The following FANCA variants were observed in gnomAD, a reference collection of about 807,000 sequenced individuals.
The protein encoded by FANCA is FA complementation group A, also known as Fanconi anemia group A protein.
FANCA carries 236 observed loss-of-function variants against 194.3 expected under a neutral mutation model. The ratio of observed to expected loss-of-function variants is 1.21; its 90% CI spans 1.09 to 1.35. FANCA has a LOEUF of 1.35. FANCA is among the 40% of genes most tolerant of loss of function. FANCA has a pLI of 0.00. For missense variants in FANCA, 2,628 were observed against 1,813.9 expected, an observed-to-expected ratio of 1.45 and a Z score of -8.15; for synonymous variants, 1,014 against 715.8, an observed-to-expected ratio of 1.42 and a Z score of -6.65.
At chr16:89,739,442 C>T in intron 40 of FANCA, 36 bp downstream of exon 40, 2 of 1,552,562 alleles carry the variant, frequency 1.3e-6, no homozygotes, top group South Asian at 2.4e-5. Context: ...CTGGGAAACA[C>T]TGCCCAGCCC....
At chr16:89,763,153 A>G (rs1362760788) in intron 28 of FANCA, among the ~76,000 whole-genome samples, 1 of 151,942 alleles carries the variant, frequency 6.6e-6, no homozygotes, top group African/African-American at 2.4e-5. Flanking sequence ...AGGCCGAGTC[A>G]GGAGAATCCC....
intron 22 of FANCA, among the ~76,000 whole-genome samples, 191 bp from the exon 23 acceptor site, chr16:89,772,005 G>C (rs1413248881): frequency 6.6e-6 from 1 of 152,186 alleles, no homozygotes; most frequent in Non-Finnish European, 1.5e-5. Context: ...TGCAGCATGT[G>C]TCATGGCAAA....
Position 89,738,079 on chromosome 16 carries a change from G to A in FANCA, c.*522C>T. On this transcript the variant is annotated 3_prime_UTR_variant, in exon 43 of 43. Coordinates refer to ENST00000389301, the MANE Select transcript of FANCA (RefSeq NM_000135.4). ...GCTGGACTTTGCCTGTGACCAGTGT[G>A]GCCGGCGGTTTGAGAAGGCCCACAA... 1 of 1,613,964 alleles carries A rather than the reference G, an allele frequency of 6.2e-7. No homozygotes were observed. The highest frequency in any genetic ancestry group is 1.1e-5 in the South Asian group (1 of 91,086).
chr16:89,783,026 G>C lies in FANCA; in HGVS notation c.1547C>G (p.Thr516Arg). 3 of 1,614,100 alleles carry C rather than the reference G, an allele frequency of 1.9e-6. No homozygotes were observed. Among genetic ancestry groups the C allele is most frequent in the Non-Finnish European group, 1.7e-6 (2 of 1,179,940 alleles). ...LLTDYISLAK[T>R]RLADLKVSIE... ...GCTTGCCTTGAGGTCGGCCAGCCGT[G>C]TCTTGGCCAATGAGATGTAGTCTGT... The change falls in exon 16 of 43, where the codon ACA becomes AGA. Residue 516 changes from threonine (T) to arginine (R), a missense_variant. Coordinates refer to ENST00000389301, the MANE Select transcript of FANCA (RefSeq NM_000135.4).
At position 89,816,228 on chromosome 16, in the gene FANCA, G is replaced by C. The variant is rs544689632; in HGVS notation, c.80-242C>G. 2 of 510,968 alleles carry C rather than the reference G, an allele frequency of 3.9e-6. 1 individual carries two copies. The allele number at this position is 510,968 out of a possible 1,614,324, so 31.7% of individuals were successfully genotyped here. A position where few individuals can be genotyped will look rare whatever the true frequency, so the allele number is the denominator to read the frequency against. ...GCCCGGGGACGGCTGGCGAGGGGCG[G>C]CCTCTGCGCTGAGGGGAGCCCCAGG... On this transcript the variant is annotated intron_variant, in intron 1 of 42. Transcript: ENST00000389301.
intron 17 of FANCA, among the ~76,000 whole-genome samples, chr16:89,780,269 G>C (rs75570604): frequency 0.046 from 6,947 of 152,242 alleles, 210 homozygotes; most frequent in Non-Finnish European, 0.073. Context: ...CTCCAGGAAA[G>C]AGTTGAAAGT....
chr16:89,806,990 A>C (rs2040679296), intron 6 of FANCA, among the ~76,000 whole-genome samples: 3 of 151,782 alleles, frequency 2.0e-5, no homozygotes, highest in Admixed American at 2.0e-4. Flanking sequence ...TGACTCCCCC[A>C]CCTCCCTCCC....
chr16:89,746,069 A>T (rs2038378279), intron 35 of FANCA, among the ~76,000 whole-genome samples: 1 of 152,152 alleles, frequency 6.6e-6, no homozygotes, highest in Admixed American at 6.5e-5. Context: ...GCCGCCAGGG[A>T]AGTGAGGGAA....
chr16:89,789,444 T>G, intron 14 of FANCA, among the ~76,000 whole-genome samples: 1 of 147,626 alleles, frequency 6.8e-6, no homozygotes, highest in Non-Finnish European at 1.5e-5. Context: ...TACTTTTTTT[T>G]TTTTTTTTTT....
chr16:89,739,010 A>G (rs747111023), intron 41 of FANCA, 36 bp from the exon 42 acceptor site: 1 of 1,614,022 alleles, frequency 6.2e-7, no homozygotes, highest in South Asian at 1.1e-5. Flanking sequence ...AGGTTAGAAG[A>G]CATACAGAAA....
chr16:89,797,897 A>AAAAT (rs71137676), intron 10 of FANCA, among the ~76,000 whole-genome samples: 18,413 of 151,966 alleles, frequency 0.12, 1,291 homozygotes, highest in South Asian at 0.19. Flanking sequence ...CTCTGTCTCA[A>AAAAT]AAATAAATAA....
At chr16:89,767,015 A>T in intron 27 of FANCA, 126 bp downstream of exon 27, 1 of 800,558 alleles carries the variant, frequency 1.2e-6, no homozygotes, top group Non-Finnish European at 2.2e-6. Flanking sequence ...CATGACAGCC[A>T]GCCTGACCCA....
At chr16:89,804,935 G>A (rs1469238062) in intron 7 of FANCA, among the ~76,000 whole-genome samples, 2 of 152,178 alleles carry the variant, frequency 1.3e-5, no homozygotes, top group East Asian at 1.9e-4. Context: ...TACTAAGGAG[G>A]TTGAGGCAGA....
chr16:89,768,865 C>T (rs1282184997), intron 26 of FANCA, among the ~76,000 whole-genome samples: 1 of 152,168 alleles, frequency 6.6e-6, no homozygotes, highest in Non-Finnish European at 1.5e-5. Flanking sequence ...CCTCCCTCCT[C>T]ACCAGCTCCC....
At chr16:89,781,363 C>CAAAAAAAAAAAA (rs775937692) in intron 17 of FANCA, among the ~76,000 whole-genome samples, 3 of 60,400 alleles carry the variant, frequency 5.0e-5, no homozygotes, top group African/African-American at 2.1e-4. Flanking sequence ...GACTCCATTC[C>CAAAAAAAAAAAA]AAAAAAAAAA....
At chr16:89,754,329 GA>G (rs1313051661) in intron 30 of FANCA, among the ~76,000 whole-genome samples, 1 of 152,052 alleles carries the variant, frequency 6.6e-6, no homozygotes, top group African/African-American at 2.4e-5. Flanking sequence ...GATAGGAAAG[GA>G]AAAAGTGAAA....
At chr16:89,803,774 C>T (rs1370190339) in intron 7 of FANCA, among the ~76,000 whole-genome samples, 7 of 152,016 alleles carry the variant, frequency 4.6e-5, no homozygotes, top group African/African-American at 1.7e-4. Flanking sequence ...GGCGCCGCCA[C>T]CACACCCAGC....
intron 30 of FANCA, among the ~76,000 whole-genome samples, chr16:89,757,558 A>G (rs1309945577): frequency 6.6e-6 from 1 of 152,190 alleles, no homozygotes; most frequent in East Asian, 1.9e-4. Context: ...TGAACATAAA[A>G]TGGATTCGTG....
chr16:89,770,574 G>A lies in FANCA; in HGVS notation c.2212C>T (p.Pro738Ser), dbSNP rs751015814. ...TGCCCGCGCCTTCACCTCTCCGGGG[G>A]AGCGACACTGGAGGCAGCCATCAGG... ...QNLMAASSVAPPERQGPWAAL... is the reference protein window; with the variant it reads ...QNLMAASSVASPERQGPWAAL... The change falls in exon 24 of 43, where the codon CCC (proline) becomes TCC (serine). Residue 738 changes from proline to serine, a missense_variant. By Grantham distance (74) the Pro-to-Ser change is moderately conservative (BLOSUM62 -1). Transcript: ENST00000389301. The A allele has an allele frequency of 8.7e-6, 14 of 1,610,218 alleles. No individual in the cohort carries two copies. In the African/African-American group the frequency reaches 1.9e-4, roughly 22 times the overall value.
Sources: gnomAD v4.1 joint callset for allele counts (sites outside exome capture counted in the v4.1 genomes callset) on GRCh38, gnomAD v4.1.1 for gene constraint, MANE v1.5 for transcripts, NCBI Gene and HGNC (gene_info 2026-07-23, HGNC 2026-07-21) for gene names.